Variants in PCDHGB2 observed in about 807,000 individuals in gnomAD.
PCDHGB2 encodes the protein protocadherin gamma subfamily B, 2, also known as protocadherin gamma-B2.
PCDHGB2 carries 55 observed loss-of-function variants against 59.3 expected under a neutral mutation model. The ratio of observed to expected loss-of-function variants is 0.93; its 90% CI spans 0.75 to 1.16. The LOEUF (loss-of-function observed/expected upper bound fraction) is 1.16. Among genes scored for constraint, PCDHGB2 ranks in the 50% most tolerant of loss-of-function variants. The pLI, the probability that PCDHGB2 is intolerant of heterozygous loss-of-function variation, is 0.00. For synonymous variants in PCDHGB2, 516 were observed against 512.0 expected (o/e 1.01, Z -0.11); for missense variants, 1,228 against 1,198.5 (o/e 1.02, Z -0.36).
Position 141,491,984 on chromosome 5 carries a change from C to G in PCDHGB2, c.2422-2823C>G. 1.4e-6 allele frequency: 1 copy of G among 734,256 alleles called. No homozygotes were observed. The highest frequency in any genetic ancestry group is 3.2e-5 in the East Asian group (1 of 31,678). The allele number at this position is 734,256 out of a possible 1,614,324, so 45.5% of individuals were successfully genotyped here. ...AAGGCCGGGGCCTCCTTCGAGCTTC[C>G]GGTGAATTTCGGGCGATTTCCGCGG... On this transcript the variant is annotated intron_variant, in intron 1 of 3. Coordinates refer to ENST00000522605, the MANE Select transcript of PCDHGB2 (RefSeq NM_018923.3). The surrounding 1 kb of genome is among the most constrained non-coding windows in gnomAD (Gnocchi z 6.9).
chr5:141,390,263 T>G (rs1249972080), intron 1 of PCDHGB2: 2 of 1,614,054 alleles, frequency 1.2e-6, no homozygotes, highest in Non-Finnish European at 1.7e-6. Context: ...GTAATTCCAG[T>G]GAATTGACTT....
At position 141,381,798 on chromosome 5, in the gene PCDHGB2, C is replaced by CTCTT. The variant is rs372235829; in HGVS notation, c.2421+19263_2421+19266dup. ...ATCAGGAACAAGGCAAGGCAATTCC[C>CTCTT]TCTTTCTTTCTTTCTTTCTTTCTTC... is the stretch of plus-strand genomic sequence containing the variant. On this transcript the variant is annotated intron_variant, in intron 1 of 3. Coordinates refer to ENST00000522605, the MANE Select transcript of PCDHGB2 (RefSeq NM_018923.3). Among the ~76,000 whole-genome samples, 697 of 144,002 alleles carry CTCTT rather than the reference C, an allele frequency of 4.8e-3. 9 individuals carry two copies. The highest frequency in any genetic ancestry group is 9.2e-3 in the South Asian group (42 of 4,556). 94.5% of individuals were successfully genotyped at this position (144,002 alleles called of 152,430 possible).
chr5:141,385,282 G>A lies in PCDHGB2; in HGVS notation c.2421+22726G>A, dbSNP rs769141713. ...GAAAAATGATTCTTTGCTAACATCC[G>A]TAGATTTTCAGGAATGTAAAGAAAA... On this transcript the variant is annotated intron_variant, in intron 1 of 3. Transcript: ENST00000522605. 9.3e-6 allele frequency: 15 copies of A among 1,613,370 alleles called. No homozygotes were observed. The Admixed American group carries it at 1.8e-4, about 20-fold the overall frequency.
rs2154586601 is a variant in PCDHGB2, at chr5:141,491,555, A to G, written c.2422-3252A>G. The G allele has an allele frequency of 6.2e-7, 1 of 1,613,986 alleles. No homozygotes were observed. The highest frequency in any genetic ancestry group is 2.2e-5 in the East Asian group (1 of 44,862). ...CTGCGGCCCACAGACTCGCAGAGCC[A>G]CTGCTACAGGACGTGCTTTTCACCG... On this transcript the variant is annotated intron_variant, in intron 1 of 3. Transcript: ENST00000522605. This position sits in a 1 kb window ranked among gnomAD's most constrained non-coding sequence, Gnocchi z 6.9.
At position 141,453,908 on chromosome 5, in the gene PCDHGB2, A is replaced by T. The variant is rs1198219869; in HGVS notation, c.2422-40899A>T. On this transcript the variant is annotated intron_variant, in intron 1 of 3. Transcript: ENST00000522605. ...CCAATCACATGACTTCTTTCAAAGT[A>T]TGTCAGTGATCAGTCACTGTGTGCC... Among the ~76,000 whole-genome samples, 4 of 152,242 alleles carry T rather than the reference A, an allele frequency of 2.6e-5. No homozygotes were observed. The East Asian group carries it at 5.8e-4, about 22-fold the overall frequency.
intron 1 of PCDHGB2, among the ~76,000 whole-genome samples, chr5:141,481,676 G>A (rs975849679): frequency 3.3e-5 from 5 of 152,028 alleles, no homozygotes; most frequent in Admixed American, 1.3e-4. Flanking sequence ...AAATCAGGCC[G>A]GGCCTGGTGG....
At chr5:141,387,316 A>G (rs1239342995) in intron 1 of PCDHGB2, among the ~76,000 whole-genome samples, 3 of 152,214 alleles carry the variant, frequency 2.0e-5, no homozygotes, top group African/African-American at 7.2e-5. Flanking sequence ...TCTAATGAGT[A>G]AGTATGGAAA....
intron 1 of PCDHGB2, among the ~76,000 whole-genome samples, chr5:141,466,975 A>C (rs769024064): frequency 2.6e-5 from 4 of 151,842 alleles, no homozygotes; most frequent in Non-Finnish European, 5.9e-5. Context: ...CTCACAGCTC[A>C]TCATTTACCT....
intron 1 of PCDHGB2, chr5:141,372,747 G>T (rs749618566): frequency 1.6e-5 from 26 of 1,613,300 alleles, no homozygotes; most frequent in Admixed American, 1.7e-5. Context: ...ATGTGATGAA[G>T]CCTCTTGGTT....
At chr5:141,440,779 GC>G (rs2154559027) in intron 1 of PCDHGB2, 1 of 152,294 alleles carries the variant, frequency 6.6e-6, no homozygotes, top group Admixed American at 6.5e-5. Flanking sequence ...AGTGCTAGCA[GC>G]CTTAGACGGC....
At chr5:141,365,560 GGACAGAGAAGA>G in intron 1 of PCDHGB2, 1 of 1,613,652 alleles carries the variant, frequency 6.2e-7, no homozygotes, top group Non-Finnish European at 8.5e-7. Context: ...CTAGGGACCT[GGACAGAGAAGA>G]GACTTCAGAT....
intron 1 of PCDHGB2, among the ~76,000 whole-genome samples, chr5:141,368,352 C>CAT (rs965270733): frequency 4.6e-5 from 7 of 152,124 alleles, no homozygotes; most frequent in East Asian, 1.9e-4. Flanking sequence ...TATACACACA[C>CAT]ATATATATAC....
chr5:141,408,345 G>A (rs370026579), intron 1 of PCDHGB2: 3 of 1,613,812 alleles, frequency 1.9e-6, no homozygotes, highest in Non-Finnish European at 2.5e-6. Context: ...TCGGTGGTGG[G>A]GAACCTCGCT....
chr5:141,430,994 C>T, intron 1 of PCDHGB2: 1 of 1,613,950 alleles, frequency 6.2e-7, no homozygotes, highest in East Asian at 2.2e-5. Context: ...CGCCCTGAAT[C>T]CGCGCAGCGG....
At chr5:141,440,838 C>A (rs2098204954) in intron 1 of PCDHGB2, 1 of 152,102 alleles carries the variant, frequency 6.6e-6, no homozygotes, top group African/African-American at 2.4e-5. Context: ...TTGGTTGAAG[C>A]CAATGACAAC....
At chr5:141,418,844 A>G (rs781310201) in intron 1 of PCDHGB2, 2 of 1,613,936 alleles carry the variant, frequency 1.2e-6, no homozygotes, top group South Asian at 2.2e-5. Context: ...ATCTCTCTCA[A>G]CACGGTGTAA....
At chr5:141,479,855 C>T (rs1330076788) in intron 1 of PCDHGB2, among the ~76,000 whole-genome samples, 2 of 152,128 alleles carry the variant, frequency 1.3e-5, no homozygotes, top group Non-Finnish European at 2.9e-5. Context: ...ACTGCAAGGC[C>T]TTTGCCCTGG....
At chr5:141,460,961 ATGTGTG>A (rs35821115) in intron 1 of PCDHGB2, among the ~76,000 whole-genome samples, 6 of 144,616 alleles carry the variant, frequency 4.1e-5, no homozygotes, top group South Asian at 4.4e-4. Flanking sequence ...GTATATATAT[ATGTGTG>A]TGTGTGTGTG....
At chr5:141,413,650 C>T (rs1384444202) in intron 1 of PCDHGB2, 2 of 1,613,714 alleles carry the variant, frequency 1.2e-6, no homozygotes, top group Non-Finnish European at 1.7e-6. Flanking sequence ...TTTTCCTCTC[C>T]CGGAAGCTAT....
Sources: allele counts gnomAD v4.1 joint callset (sites outside exome capture counted in the v4.1 genomes callset), GRCh38; gene constraint gnomAD v4.1.1; non-coding constraint Gnocchi (gnomAD v3.1); transcripts MANE v1.5; gene names NCBI Gene and HGNC (gene_info 2026-07-23, HGNC 2026-07-21).